CEP112: variants seen among roughly 807,000 people sequenced by gnomAD.
The protein encoded by CEP112 is centrosomal protein of 112 kDa.
CEP112 carries 127 observed loss-of-function variants against 153.0 expected under a neutral mutation model. The observed-to-expected ratio is 0.83, with a 90% CI of 0.72 to 0.96. The LOEUF (loss-of-function observed/expected upper bound fraction) is 0.96. CEP112 is among the 40% of genes least tolerant of loss of function. CEP112 has a pLI of 0.00. For missense variants in CEP112, 1,089 were observed against 1,101.2 expected (o/e 0.99, Z 0.16); for synonymous variants, 358 against 374.4 (o/e 0.96, Z 0.51).
rs1422906512 is a variant in CEP112, at chr17:66,028,387, C to T, written c.1522G>A (p.Glu508Lys). The T allele has an allele frequency of 1.9e-6, 3 of 1,587,708 alleles. No homozygotes were observed. The highest frequency in any genetic ancestry group is 2.6e-6 in the Non-Finnish European group (3 of 1,163,694). The change falls in exon 15 of 27, where the codon GAA (glutamate) becomes AAA (lysine). Residue 508 changes from glutamate to lysine, a missense_variant. By Grantham distance (56) the Glu-to-Lys change is moderately conservative. Coordinates refer to ENST00000535342, the MANE Select transcript of CEP112 (RefSeq NM_001199165.4). ...AATTGACAGACATTCTGCTCTAATT[C>T]TTCAATCATACTAGATGCCTACAAG... ...SASKASSMIEELEQNVCQLKQ... is the reference protein window; with the variant it reads ...SASKASSMIEKLEQNVCQLKQ...
chr17:65,819,026 A>G (rs1041494092), intron 21 of CEP112, among the ~76,000 whole-genome samples: 2 of 151,952 alleles, frequency 1.3e-5, no homozygotes, highest in African/African-American at 4.8e-5. Flanking sequence ...AATCTCTTGT[A>G]ATTTTTTCTC....
chr17:66,049,018 A>G (rs1179167789), intron 12 of CEP112, among the ~76,000 whole-genome samples: 1 of 152,222 alleles, frequency 6.6e-6, no homozygotes, highest in African/African-American at 2.4e-5. Flanking sequence ...ATGTATTACA[A>G]TCTAGGAGAC....
chr17:65,909,888 C>T (rs1473820341), intron 19 of CEP112, among the ~76,000 whole-genome samples: 1 of 152,084 alleles, frequency 6.6e-6, no homozygotes, highest in African/African-American at 2.4e-5. Flanking sequence ...TCCAGTATCC[C>T]AGTTTTAGAG....
chr17:66,039,580 T>G (rs577575046), intron 12 of CEP112, among the ~76,000 whole-genome samples: 37 of 152,288 alleles, frequency 2.4e-4, no homozygotes, highest in African/African-American at 7.5e-4. Flanking sequence ...GTTTATGATT[T>G]ATAACAAAAG....
intron 24 of CEP112, among the ~76,000 whole-genome samples, chr17:65,668,933 A>G (rs1169225301): frequency 6.6e-6 from 1 of 152,120 alleles, no homozygotes; most frequent in Non-Finnish European, 1.5e-5. Context: ...TCCCCATCTA[A>G]TGCCCCATAT....
intron 23 of CEP112, among the ~76,000 whole-genome samples, chr17:65,715,742 C>T (rs1049481618): frequency 3.9e-5 from 6 of 152,108 alleles, no homozygotes; most frequent in African/African-American, 9.7e-5. Context: ...TAAGCCACTG[C>T]GCCTGGCCAA....
At chr17:65,973,602 T>C (rs1340403031) in intron 17 of CEP112, among the ~76,000 whole-genome samples, 5 of 152,122 alleles carry the variant, frequency 3.3e-5, no homozygotes, top group Admixed American at 6.5e-5. Context: ...ACTGATGATA[T>C]CAAGTTTTGG....
At chr17:66,134,387 A>G (rs953420804) in intron 4 of CEP112, among the ~76,000 whole-genome samples, 1 of 152,196 alleles carries the variant, frequency 6.6e-6, no homozygotes, top group Non-Finnish European at 1.5e-5. Context: ...AATCAACTAC[A>G]GTATGACTTG....
chr17:65,990,179 T>C (rs192851850), intron 17 of CEP112, among the ~76,000 whole-genome samples: 4 of 152,238 alleles, frequency 2.6e-5, no homozygotes, highest in East Asian at 3.9e-4. Context: ...AATAATAACA[T>C]TGAATGTTAA....
At chr17:66,021,196 A>G (rs1391762934) in intron 16 of CEP112, among the ~76,000 whole-genome samples, 1 of 152,158 alleles carries the variant, frequency 6.6e-6, no homozygotes, top group Non-Finnish European at 1.5e-5. Context: ...CAACAGGACA[A>G]TGCCATTCTT....
intron 1 of CEP112, among the ~76,000 whole-genome samples, chr17:66,186,303 T>C (rs978293837): frequency 4.6e-5 from 7 of 152,048 alleles, no homozygotes; most frequent in African/African-American, 1.7e-4. Flanking sequence ...TCGTTTCGTT[T>C]ATTTCTTTCG....
chr17:66,163,233 C>A (rs530064393), intron 4 of CEP112, among the ~76,000 whole-genome samples: 1 of 152,190 alleles, frequency 6.6e-6, no homozygotes, highest in African/African-American at 2.4e-5. Flanking sequence ...ATGCACTGTA[C>A]ATGTTTTTTG....
intron 18 of CEP112, among the ~76,000 whole-genome samples, chr17:65,933,447 A>G (rs2061194918): frequency 6.6e-6 from 1 of 152,340 alleles, no homozygotes; most frequent in East Asian, 1.9e-4. Flanking sequence ...CAGAAGATAC[A>G]TATCACATAC....
chr17:65,656,212 C>A (rs944047724), intron 24 of CEP112, among the ~76,000 whole-genome samples: 3 of 152,236 alleles, frequency 2.0e-5, no homozygotes, highest in Non-Finnish European at 4.4e-5. Flanking sequence ...ATCCACTGGA[C>A]TTTCCCCATT....
rs188177011 is a variant in CEP112 at position 66,144,746 on chromosome 17, C to T, written c.471-11983G>A. Among the ~76,000 whole-genome samples the T allele has an allele frequency of 8.7e-4, 133 of 152,270 alleles. 1 individual carries two copies. The highest frequency in any genetic ancestry group is 3.0e-3 in the African/African-American group (126 of 41,560). ...TTGCTTTGTAGTATTCCATTATATA[C>T]ATAAACCATAATTTGCTTTTCTATT... On this transcript the variant is annotated intron_variant, in intron 4 of 26. Transcript: ENST00000535342.
intron 19 of CEP112, among the ~76,000 whole-genome samples, chr17:65,917,477 C>T (rs1273332398): frequency 6.6e-6 from 1 of 152,082 alleles, no homozygotes; most frequent in East Asian, 1.9e-4. Flanking sequence ...TACCTCAATA[C>T]CGAAGAGAAA....
chr17:65,963,649 CGATATAGATATA>C (rs890306317), intron 17 of CEP112, among the ~76,000 whole-genome samples: 100 of 149,922 alleles, frequency 6.7e-4, no homozygotes, highest in African/African-American at 2.4e-3. Context: ...ATATAGATAT[CGATATAGATATA>C]GATATAGATA....
intron 20 of CEP112, among the ~76,000 whole-genome samples, chr17:65,877,654 T>C (rs2058883681): frequency 6.6e-6 from 1 of 152,216 alleles, no homozygotes; most frequent in Admixed American, 6.5e-5. Flanking sequence ...TAACACTATG[T>C]AACACTATGT....
At chr17:66,059,843 G>A (rs751046346) in intron 11 of CEP112, among the ~76,000 whole-genome samples, 3 of 152,162 alleles carry the variant, frequency 2.0e-5, no homozygotes, top group South Asian at 4.1e-4. Flanking sequence ...AGGCACATGC[G>A]CTTGTATGTT....
Sources: allele counts gnomAD v4.1 joint callset (sites outside exome capture counted in the v4.1 genomes callset), GRCh38; gene constraint gnomAD v4.1.1; transcripts MANE v1.5; gene names NCBI Gene and HGNC (gene_info 2026-07-23, HGNC 2026-07-21).